Variants in KCTD18 observed in about 807,000 individuals in gnomAD.
The protein encoded by KCTD18 is BTB/POZ domain-containing protein KCTD18.
Under a neutral mutation model 30.4 loss-of-function variants are expected in KCTD18, and 22 were observed. The ratio of observed to expected loss-of-function variants is 0.72; its 90% CI spans 0.52 to 1.03. The LOEUF (loss-of-function observed/expected upper bound fraction) is 1.03, where lower values mean the gene tolerates loss of function less well. KCTD18 is among the 50% of genes least tolerant of loss of function. The pLI is 0.00. For synonymous variants in KCTD18, 186 were observed against 209.0 expected, an observed-to-expected ratio of 0.89 and a Z score of 0.95; for missense variants, 529 against 547.6, an observed-to-expected ratio of 0.97 and a Z score of 0.34.
chr2:200,503,913 AAC>A (rs771260609), intron 3 of KCTD18, among the ~76,000 whole-genome samples: 2 of 152,208 alleles, frequency 1.3e-5, no homozygotes, highest in Non-Finnish European at 2.9e-5. Context: ...ATAAGACAAA[AAC>A]AGATAATTAG....
chr2:200,493,484 C>A (rs999271833), intron 5 of KCTD18, among the ~76,000 whole-genome samples: 1 of 152,208 alleles, frequency 6.6e-6, no homozygotes, highest in Non-Finnish European at 1.5e-5. Context: ...GAGCTGGCCA[C>A]CAGCTTTGCC....
rs1329621271 is a variant in KCTD18 at position 200,506,845 on chromosome 2, T to G, written c.160+12A>C. 6.2e-7 allele frequency: 1 copy of G among 1,611,710 alleles called. No homozygotes were observed. Among genetic ancestry groups the G allele is most frequent in the Admixed American group, 1.7e-5 (1 of 59,180 alleles). ...AATATTCAGATCATGCTTTCAGACTTTAGACATTTACCTGACTCATCTGTT... is the reference window on the plus strand; with the variant it reads ...AATATTCAGATCATGCTTTCAGACTGTAGACATTTACCTGACTCATCTGTT... On this transcript the variant is annotated intron_variant, in intron 2 of 6. Transcript: ENST00000359878.
Position 200,490,303 on chromosome 2 carries a change from G to C in KCTD18, c.1078C>G (p.Pro360Ala), listed in dbSNP as rs374734919. The change falls in exon 7 of 7, where the codon CCT (proline) becomes GCT (alanine). Residue 360 changes from proline (P) to alanine (A), a missense_variant. Transcript: ENST00000359878. ...TCGGAGAGTAGCACCTTAGCTGGAG[G>C]TAAGTGCGTGCCTCCATTTTCAGCG... ...ASAENGGTHL[P>A]PAKVLLSDKK... 3.5e-5 allele frequency: 56 copies of C among 1,614,144 alleles called. No homozygotes were observed. The highest frequency in any genetic ancestry group is 4.5e-5 in the Non-Finnish European group (53 of 1,180,050).
Position 200,490,161 on chromosome 2 carries a change from G to A in KCTD18, c.1220C>T (p.Pro407Leu), listed in dbSNP as rs201465092. ...TCCCAAGGCACGGGCAGCTTCGCCG[G>A]GAAGCGGCTTGAGGGAGTTGGCCTG... is the stretch of plus-strand genomic sequence containing the variant. ...TRQANSLKPL[P>L]GEAARALGVR... The change falls in exon 7 of 7, where the codon CCC (proline) becomes CTC (leucine). Residue 407 changes from proline to leucine, a missense_variant. By Grantham distance (98) the Pro-to-Leu change is moderately conservative. Coordinates refer to ENST00000359878, the MANE Select transcript of KCTD18 (RefSeq NM_152387.4). The A allele has an allele frequency of 1.4e-5, 23 of 1,608,998 alleles. No individual in the cohort carries two copies. In the South Asian group the frequency reaches 1.8e-4, roughly 12 times the overall value.
chr2:200,499,252 T>A (rs989478807), intron 3 of KCTD18, among the ~76,000 whole-genome samples, 168 bp from the exon 4 acceptor site: 1 of 112,004 alleles, frequency 8.9e-6, no homozygotes, highest in Non-Finnish European at 2.1e-5. Context: ...CAAACACACA[T>A]TTTTTTTAAT....
At chr2:200,506,616 T>C (rs1252065988) in intron 2 of KCTD18, among the ~76,000 whole-genome samples, 6 of 152,232 alleles carry the variant, frequency 3.9e-5, no homozygotes, top group Non-Finnish European at 8.8e-5. Flanking sequence ...TTAATCCCCA[T>C]AATTAGGTTA....
intron 5 of KCTD18, 76 bp downstream of exon 5, chr2:200,497,677 T>TG (rs1167473462): frequency 1.1e-6 from 1 of 926,480 alleles, no homozygotes; most frequent in South Asian, 1.4e-5. Flanking sequence ...AAAAAAGAAA[T>TG]GCAGTATTTG....
intron 1 of KCTD18, among the ~76,000 whole-genome samples, chr2:200,507,959 C>A (rs1378001763): frequency 6.6e-6 from 1 of 152,132 alleles, no homozygotes; most frequent in Non-Finnish European, 1.5e-5. Flanking sequence ...CAGGCATGAG[C>A]CACCACGCCC....
intron 5 of KCTD18, among the ~76,000 whole-genome samples, 177 bp from the exon 6 acceptor site, chr2:200,493,451 C>T (rs903249840): frequency 6.6e-6 from 1 of 152,240 alleles, no homozygotes; most frequent in African/African-American, 2.4e-5. Flanking sequence ...GGGAGCAACA[C>T]AGCTCACGAC....
intron 1 of KCTD18, among the ~76,000 whole-genome samples, chr2:200,509,139 T>G (rs902089817): frequency 1.3e-5 from 2 of 152,036 alleles, no homozygotes; most frequent in Non-Finnish European, 2.9e-5. Flanking sequence ...TTTACCTAAT[T>G]CACACAAAAA....
At position 200,498,939 on chromosome 2, in the gene KCTD18, A is replaced by C. The variant is rs1414530673; in HGVS notation, c.518T>G (p.Ile173Ser). The C allele has an allele frequency of 6.2e-7, 1 of 1,613,984 alleles. No individual in the cohort carries two copies. Among genetic ancestry groups the C allele is most frequent in the African/African-American group, 1.3e-5 (1 of 74,934 alleles). ...AATTCTTCCTCCCAGCTGCTTTTCA[A>C]TAGCGTCTGTTCCATCAGTTTTTGT... ...YATKTDGTDAIEKQLGGRIHS... is the reference protein window; with the variant it reads ...YATKTDGTDASEKQLGGRIHS... Residue 173 changes from isoleucine to serine, a missense_variant, in exon 4 of 7, where the codon ATT (isoleucine) becomes AGT (serine). Transcript: ENST00000359878.
rs1010306753 is a variant in KCTD18, at chr2:200,489,271, T to C, written c.*829A>G. 6 of 152,630 alleles carry C rather than the reference T, an allele frequency of 3.9e-5. No homozygotes were observed. The East Asian group carries it at 5.8e-4, about 15-fold the overall frequency. 9.5% of individuals were successfully genotyped at this position (152,630 alleles called of 1,614,324 possible). ...GGAAATTTTATGCATAAAAATCATA[T>C]TGTATAATCAGAATGAATCTTCAGT... is the stretch of plus-strand genomic sequence containing the variant. On this transcript the variant is annotated 3_prime_UTR_variant, in exon 7 of 7. Coordinates refer to ENST00000359878, the MANE Select transcript of KCTD18 (RefSeq NM_152387.4).
intron 6 of KCTD18, among the ~76,000 whole-genome samples, chr2:200,492,926 T>C (rs2106276575): frequency 6.7e-6 from 1 of 150,186 alleles, no homozygotes; most frequent in African/African-American, 2.4e-5. Flanking sequence ...CTAGTAATTT[T>C]AGAATCACTC....
Position 200,506,848 on chromosome 2 carries a change from G to T in KCTD18, c.160+9C>A. The T allele has an allele frequency of 6.2e-7, 1 of 1,611,724 alleles. No homozygotes were observed. The highest frequency in any genetic ancestry group is 8.5e-7 in the Non-Finnish European group (1 of 1,179,148). On this transcript the variant is annotated intron_variant, in intron 2 of 6. Coordinates refer to ENST00000359878, the MANE Select transcript of KCTD18 (RefSeq NM_152387.4). ...ATTCAGATCATGCTTTCAGACTTTAGACATTTACCTGACTCATCTGTTTTT... is the reference window on the plus strand; with the variant it reads ...ATTCAGATCATGCTTTCAGACTTTATACATTTACCTGACTCATCTGTTTTT...
At chr2:200,501,407 C>A (rs2088082811) in intron 3 of KCTD18, among the ~76,000 whole-genome samples, 1 of 132,616 alleles carries the variant, frequency 7.5e-6, no homozygotes, top group African/African-American at 2.8e-5. Context: ...GGCTAATATC[C>A]AGAATCTACA....
chr2:200,497,621 T>A, intron 5 of KCTD18, 132 bp downstream of exon 5: 1 of 689,090 alleles, frequency 1.5e-6, no homozygotes, highest in Non-Finnish European at 2.6e-6. Context: ...CTCAGTGTTA[T>A]CATGAGATGA....
intron 4 of KCTD18, among the ~76,000 whole-genome samples, chr2:200,498,627 G>A (rs2088034372): frequency 6.6e-6 from 1 of 152,094 alleles, no homozygotes; most frequent in South Asian, 2.1e-4. Flanking sequence ...CCTCTCAGGG[G>A]AGGGGATTCT....
chr2:200,505,825 TATA>T (rs1380884372), intron 2 of KCTD18, among the ~76,000 whole-genome samples: 2 of 151,774 alleles, frequency 1.3e-5, no homozygotes, highest in Non-Finnish European at 2.9e-5. Flanking sequence ...GGTACTACTT[TATA>T]ATAAAATATT....
Position 200,504,868 on chromosome 2 carries a change from G to C in KCTD18, c.252C>G (p.Thr84=), listed in dbSNP as rs1374636400. ...CAGCCTCTTCCTGTAGGGCGATGCG[G>C]GTTTGCTCATCTGTGGGAATCTGAA... The part of the protein sequence containing the change: ...GEVQIPTDEQ[T]RIALQEEADY... The change falls in exon 3 of 7, where the codon ACC becomes ACG. Residue 84 remains threonine (T), a synonymous_variant. Coordinates refer to ENST00000359878, the MANE Select transcript of KCTD18 (RefSeq NM_152387.4). 3.1e-6 allele frequency: 5 copies of C among 1,614,016 alleles called. No homozygotes were observed. The South Asian group carries it at 5.5e-5, about 18-fold the overall frequency.
Sources: gnomAD v4.1 joint callset for allele counts (sites outside exome capture counted in the v4.1 genomes callset) on GRCh38, gnomAD v4.1.1 for gene constraint, MANE v1.5 for transcripts, NCBI Gene and HGNC (gene_info 2026-07-23, HGNC 2026-07-21) for gene names.